Variants in DNAH5 observed in about 807,000 individuals in gnomAD.
DNAH5 encodes the protein dynein axonemal heavy chain 5.
A neutral mutation model predicts 518.2 loss-of-function variants in DNAH5; 372 were observed. The observed-to-expected ratio is 0.72, with a 90% CI of 0.66 to 0.78. The LOEUF is 0.78. Among genes scored for constraint, DNAH5 ranks in the 30% least tolerant of loss-of-function variants. DNAH5 has a pLI of 0.00. For missense variants in DNAH5, 5,523 were observed against 5,687.0 expected (o/e 0.97, Z 0.93); for synonymous variants, 2,039 against 2,025.9 (o/e 1.01, Z -0.17).
Position 13,923,319 on chromosome 5 carries a change from A to G in DNAH5, c.399T>C (p.Thr133=), listed in dbSNP as rs2151997109. ...CAGGGGTGATGGCTTTGGAAGGGTC[A>G]GTCCTGATGAAGAACACACATACCC... The part of the protein sequence containing the change: ...LTGVCVFFIR[T]DPSKAITPDN... Residue 133 remains threonine (T), a synonymous_variant, in exon 4 of 79, where the codon ACT becomes ACC. Transcript: ENST00000265104. The G allele has an allele frequency of 3.1e-6, 5 of 1,614,134 alleles. No individual in the cohort carries two copies. Among genetic ancestry groups the G allele is most frequent in the East Asian group, 2.2e-5 (1 of 44,876 alleles).
intron 55 of DNAH5, among the ~76,000 whole-genome samples, chr5:13,773,496 C>A (rs989705995): frequency 1.3e-5 from 2 of 152,078 alleles, no homozygotes; most frequent in African/African-American, 4.8e-5. Flanking sequence ...AGAAAGACTG[C>A]AAGTGATCAA....
intron 30 of DNAH5, among the ~76,000 whole-genome samples, chr5:13,852,472 A>AT (rs34356082): frequency 1.7e-4 from 25 of 150,678 alleles, no homozygotes; most frequent in Non-Finnish European, 2.1e-4. Flanking sequence ...CAGCCAGTTT[A>AT]TTTTTTTTTT....
At chr5:13,805,850 A>T (rs546759817) in intron 47 of DNAH5, among the ~76,000 whole-genome samples, 11 of 152,338 alleles carry the variant, frequency 7.2e-5, no homozygotes, top group Admixed American at 4.6e-4. Flanking sequence ...CCACTTGGTC[A>T]GAGGTATGGG....
chr5:13,996,622 G>C (rs1783975637), intron 1 of DNAH5, among the ~76,000 whole-genome samples: 1 of 152,240 alleles, frequency 6.6e-6, no homozygotes, highest in African/African-American at 2.4e-5. Flanking sequence ...AAGTTCAACA[G>C]GGCAAACAAC....
Position 13,886,017 on chromosome 5 carries a change from T to C in DNAH5, c.2690A>G (p.Glu897Gly). Reference protein sequence around the residue: ...LLDVEVLSEEESEKISNENSV... With the variant: ...LLDVEVLSEEGSEKISNENSV... ...ATTCTCATTGGATATTTTTTCACTT[T>C]CTTCTTCAGATAAAACTTCCACATC... Residue 897 changes from glutamate (E) to glycine (G), a missense_variant, in exon 18 of 79, where the codon GAA becomes GGA. Glu to Gly is a moderately conservative substitution (Grantham distance 98, BLOSUM62 -2). Transcript: ENST00000265104. 1.9e-6 allele frequency: 3 copies of C among 1,613,274 alleles called. No homozygotes were observed. Among genetic ancestry groups the C allele is most frequent in the Non-Finnish European group, 2.5e-6 (3 of 1,179,834 alleles).
In DNAH5 at chr5:13,830,717, G is replaced by A. The variant is rs750966826; in HGVS notation, c.5941C>T (p.Pro1981Ser). 3 of 1,614,068 alleles carry A rather than the reference G, an allele frequency of 1.9e-6. No homozygotes were observed. Among genetic ancestry groups the A allele is most frequent in the Non-Finnish European group, 2.5e-6 (3 of 1,180,052 alleles). ...GTTTCTGTTTTGCCTGTGCCTGCAGGTCCAGCAGGGGCTCCCCCCATGCTC... is the reference window on the plus strand; with the variant it reads ...GTTTCTGTTTTGCCTGTGCCTGCAGATCCAGCAGGGGCTCCCCCCATGCTC... ...GMSMGGAPAG[P>S]AGTGKTETTK... Residue 1981 changes from proline (P) to serine (S), a missense_variant, in exon 36 of 79, where the codon CCT becomes TCT. Transcript: ENST00000265104.
chr5:13,920,360 T>A, intron 6 of DNAH5, 120 bp downstream of exon 6: 2 of 1,345,420 alleles, frequency 1.5e-6, no homozygotes, highest in Non-Finnish European at 2.1e-6. Context: ...ACCTCTCACC[T>A]CCTCAAGGAT....
At chr5:13,795,773 C>A (rs1757729577) in intron 47 of DNAH5, among the ~76,000 whole-genome samples, 1 of 152,154 alleles carries the variant, frequency 6.6e-6, no homozygotes, top group African/African-American at 2.4e-5. Flanking sequence ...ACCAATATCC[C>A]TGATGAACAT....
chr5:13,740,821 G>A (rs1419156693), intron 65 of DNAH5, among the ~76,000 whole-genome samples: 1 of 152,048 alleles, frequency 6.6e-6, no homozygotes, highest in Non-Finnish European at 1.5e-5. Flanking sequence ...TAAAATGCTA[G>A]CCCACCAGCT....
intron 1 of DNAH5, among the ~76,000 whole-genome samples, chr5:13,973,628 C>T (rs1782024873): frequency 6.6e-6 from 1 of 151,870 alleles, no homozygotes; most frequent in Non-Finnish European, 1.5e-5. Context: ...TTAGAAAACC[C>T]TTGGCACAGA....
chr5:13,906,090 T>C (rs185100081), intron 12 of DNAH5, among the ~76,000 whole-genome samples: 87 of 152,318 alleles, frequency 5.7e-4, no homozygotes, highest in African/African-American at 1.5e-3. Flanking sequence ...AGTAAAAAGA[T>C]AGTAGTTACC....
Position 13,729,460 on chromosome 5 carries a change from C to T in DNAH5, c.11862G>A (p.Gln3954=), listed in dbSNP as rs1409799293. The part of the protein sequence containing the change: ...LNLVELSKLR[Q]FSDVLDQISR... The stretch of plus-strand genomic sequence containing the variant: ...TTACCTGGTCAAGGACATCTGAAAA[C>T]TGTCTGAGTTTGCTAAGTTCCACCA... The change falls in exon 69 of 79, where the codon CAG becomes CAA. Residue 3954 remains glutamine, a synonymous_variant. Coordinates refer to ENST00000265104, the MANE Select transcript of DNAH5 (RefSeq NM_001369.3). 1 of 1,614,004 alleles carries T rather than the reference C, an allele frequency of 6.2e-7. No individual in the cohort carries two copies. The highest frequency in any genetic ancestry group is 8.5e-7 in the Non-Finnish European group (1 of 1,179,902).
rs371051734 is a variant in DNAH5, at chr5:13,976,687, GTGTA to G, written c.12+34957_12+34960del. ...GTATAGAAAAAAACAATGTGTGTGT[GTGTA>G]TATATATATATATATATATACACAC... On this transcript the variant is annotated intron_variant, in intron 1 of 78. Transcript: ENST00000681290. Among the ~76,000 whole-genome samples the G allele has an allele frequency of 6.4e-3, 768 of 120,924 alleles. 6 individuals are homozygous for G. Among genetic ancestry groups the G allele is most frequent in the African/African-American group, 0.017 (577 of 34,106 alleles). 79.3% of individuals were successfully genotyped at this position (120,924 alleles called of 152,430 possible). A position where few individuals can be genotyped will look rare whatever the true frequency, so the allele number is the denominator to read the frequency against.
rs184858239 is a variant in DNAH5, at chr5:13,828,194, G to A, written c.6444+1316C>T. Among the ~76,000 whole-genome samples, 21 of 152,330 alleles carry A rather than the reference G, an allele frequency of 1.4e-4. No homozygotes were observed. In the East Asian group the frequency reaches 3.9e-3, roughly 28 times the overall value. On this transcript the variant is annotated intron_variant, in intron 38 of 78. Coordinates refer to ENST00000265104, the MANE Select transcript of DNAH5 (RefSeq NM_001369.3). ...GCCAGAGCCAGAAGAGTCTGTGTGT[G>A]TCTGAACACTCATAGGAAAAGAACT...
chr5:13,965,410 G>A (rs1034783136), intron 1 of DNAH5, among the ~76,000 whole-genome samples: 5 of 152,132 alleles, frequency 3.3e-5, no homozygotes, highest in South Asian at 2.1e-4. Context: ...GGAAACCAAT[G>A]TGACTCTAAG....
intron 55 of DNAH5, chr5:13,771,366 T>C (rs1459238391): frequency 7.5e-6 from 2 of 268,238 alleles, no homozygotes; most frequent in African/African-American, 4.5e-5. Context: ...GCCATTTATT[T>C]TGTCACTCAG....
chr5:13,908,065 G>C (rs2151972646), intron 12 of DNAH5, among the ~76,000 whole-genome samples: 1 of 152,286 alleles, frequency 6.6e-6, no homozygotes, highest in Middle Eastern at 3.4e-3. Flanking sequence ...GCTATTGGCA[G>C]GGTGGGGGAT....
At chr5:13,935,812 G>T (rs912346469) in intron 1 of DNAH5, among the ~76,000 whole-genome samples, 3 of 152,134 alleles carry the variant, frequency 2.0e-5, no homozygotes, top group African/African-American at 7.2e-5. Flanking sequence ...TGTCCTGCTG[G>T]CCTTTGAAAC....
At chr5:13,934,212 C>T (rs79052828) in intron 1 of DNAH5, among the ~76,000 whole-genome samples, 4,950 of 152,248 alleles carry the variant, frequency 0.033, 116 homozygotes, top group African/African-American at 0.06. Flanking sequence ...TTCTGGTCAG[C>T]GGTACCATCT....
Sources: allele counts gnomAD v4.1 joint callset (sites outside exome capture counted in the v4.1 genomes callset), GRCh38; gene constraint gnomAD v4.1.1; transcripts MANE v1.5; gene names NCBI Gene and HGNC (gene_info 2026-07-23, HGNC 2026-07-21).